Variants in OPRM1 observed in about 807,000 individuals in gnomAD.
The protein encoded by OPRM1 is mu-type opioid receptor.
A neutral mutation model predicts 31.8 loss-of-function variants in OPRM1; 27 were observed. That is an observed-to-expected ratio of 0.85 (90% CI 0.63 to 1.17). The LOEUF (loss-of-function observed/expected upper bound fraction) is 1.17, where lower values mean the gene tolerates loss of function less well. Among genes scored for constraint, OPRM1 ranks in the 50% most tolerant of loss-of-function variants. OPRM1 has a pLI of 0.00. For synonymous variants in OPRM1, 196 were observed against 189.9 expected (o/e 1.03, Z -0.26); for missense variants, 536 against 511.1 (o/e 1.05, Z -0.47).
chr6:154,076,299 C>T (rs2128460995), intron 1 of OPRM1, among the ~76,000 whole-genome samples: 1 of 152,190 alleles, frequency 6.6e-6, no homozygotes, highest in Admixed American at 6.5e-5. Flanking sequence ...GACAAAAACA[C>T]TATGAATAAA....
intron 3 of OPRM1, among the ~76,000 whole-genome samples, chr6:154,171,239 TA>T (rs1799845972): frequency 1.3e-5 from 2 of 152,122 alleles, no homozygotes; most frequent in African/African-American, 4.8e-5. Context: ...GATGAAAGGA[TA>T]AACAAAATGT....
At chr6:154,021,441 G>A (rs556388450) in intron 1 of OPRM1, among the ~76,000 whole-genome samples, 21 of 152,000 alleles carry the variant, frequency 1.4e-4, no homozygotes, top group Non-Finnish European at 2.6e-4. Flanking sequence ...TGCTATACTG[G>A]GTCTTTTTCC....
intron 1 of OPRM1, among the ~76,000 whole-genome samples, chr6:154,023,286 C>G (rs1778495456): frequency 6.6e-6 from 1 of 151,870 alleles, no homozygotes; most frequent in Non-Finnish European, 1.5e-5. Flanking sequence ...TAATTTAACT[C>G]CTAGGTATTT....
chr6:154,223,989 C>T (rs763983686), intron 3 of OPRM1, among the ~76,000 whole-genome samples: 3 of 152,176 alleles, frequency 2.0e-5, no homozygotes, highest in Non-Finnish European at 2.9e-5. Flanking sequence ...CACTGTCCCA[C>T]CTCTCTAAGA....
intron 3 of OPRM1, chr6:154,199,700 T>C: frequency 6.2e-7 from 1 of 1,613,476 alleles, no homozygotes; most frequent in Non-Finnish European, 8.5e-7. Flanking sequence ...AGCAGGCTTA[T>C]CTGGGACAGT....
rs200004619 is a variant in OPRM1, at chr6:154,039,358, A to G, written c.-187A>G. ...TGGGAGGGGGCTATACGCAGAGGAG[A>G]ATGTCAGATGCTCAGCTCGGTCCCC... On this transcript the variant is annotated 5_prime_UTR_variant, in exon 1 of 4. Transcript: ENST00000330432. 34 of 1,545,450 alleles carry G rather than the reference A, an allele frequency of 2.2e-5. No homozygotes were observed. In the South Asian group the frequency reaches 3.7e-4, roughly 17 times the overall value.
intron 3 of OPRM1, among the ~76,000 whole-genome samples, chr6:154,116,986 A>G (rs1362468554): frequency 6.6e-6 from 1 of 152,140 alleles, no homozygotes; most frequent in Non-Finnish European, 1.5e-5. Flanking sequence ...TCCCTAATGG[A>G]ACCCAGAATG....
chr6:154,054,239 T>G (rs1196952354), intron 1 of OPRM1, among the ~76,000 whole-genome samples: 3 of 151,854 alleles, frequency 2.0e-5, no homozygotes, highest in Non-Finnish European at 4.4e-5. Flanking sequence ...CATGGCGGCA[T>G]GCACCTGTAG....
At position 154,157,305 on chromosome 6, in the gene OPRM1, C is replaced by A. The variant is rs2236256; in HGVS notation, c.1164+65833C>A. 79,130 of 152,130 alleles carry A rather than the reference C, an allele frequency of 0.52. 20,822 individuals carry two copies. The highest frequency in any genetic ancestry group is 0.61 in the Middle Eastern group (180 of 296). The allele number at this position is 152,130 out of a possible 1,614,324, so 9.4% of individuals were successfully genotyped here. On this transcript the variant is annotated intron_variant, in intron 3 of 3. Transcript: ENST00000337049. ...GAAGCAGCCCTACTTTCTAGCACAA[C>A]CTGGTCAAAAGCAAAATAATTTACA...
intron 3 of OPRM1, among the ~76,000 whole-genome samples, chr6:154,191,073 C>T (rs754824075): frequency 4.0e-5 from 6 of 151,874 alleles, no homozygotes; most frequent in Non-Finnish European, 7.4e-5. Flanking sequence ...GAAAAAGTGA[C>T]CTATCAAGCT....
chr6:154,184,237 G>A (rs1801142922), intron 3 of OPRM1, among the ~76,000 whole-genome samples: 1 of 151,928 alleles, frequency 6.6e-6, no homozygotes, highest in Non-Finnish European at 1.5e-5. Context: ...AAATGTAATA[G>A]CACTGGCATA....
chr6:154,118,924 G>A lies in OPRM1; in HGVS notation c.*203G>A. On this transcript the variant is annotated 3_prime_UTR_variant, in exon 4 of 4. Transcript: ENST00000330432. ...GTAAGTGGAGCATTTGGAAGGAAAG[G>A]AATATACCACACCGAGGAGTCCAGT... is the stretch of plus-strand genomic sequence containing the variant. The A allele has an allele frequency of 7.3e-7, 1 of 1,377,048 alleles. No individual in the cohort carries two copies. Among genetic ancestry groups the A allele is most frequent in the Middle Eastern group, 2.7e-4 (1 of 3,694 alleles). 85.3% of individuals were successfully genotyped at this position (1,377,048 alleles called of 1,614,324 possible).
chr6:154,137,612 T>C (rs1345024053), intron 3 of OPRM1, among the ~76,000 whole-genome samples: 1 of 152,208 alleles, frequency 6.6e-6, no homozygotes, highest in East Asian at 1.9e-4. Context: ...ATATTTACAG[T>C]CTTATTCCAA....
intron 1 of OPRM1, among the ~76,000 whole-genome samples, chr6:154,077,080 A>G (rs1788025091): frequency 6.6e-6 from 1 of 152,122 alleles, no homozygotes; most frequent in African/African-American, 2.4e-5. Flanking sequence ...CTGTGCCCAT[A>G]TTTTCAGTCT....
rs1329553283 is a variant in OPRM1 at position 154,129,285 on chromosome 6, A to C, written c.*10564A>C. Among the ~76,000 whole-genome samples the C allele has an allele frequency of 1.3e-5, 2 of 152,268 alleles. No homozygotes were observed. The highest frequency in any genetic ancestry group is 2.9e-5 in the Non-Finnish European group (2 of 68,044). On this transcript the variant is annotated 3_prime_UTR_variant, in exon 4 of 4. Coordinates refer to ENST00000330432, the MANE Select transcript of OPRM1 (RefSeq NM_000914.5). ...GGAGTTCTTCTATACAATAGAGAAC[A>C]GAACAATGTTCTTCTATACAATGTA...
At chr6:154,072,216 T>A (rs1786929758) in intron 1 of OPRM1, among the ~76,000 whole-genome samples, 3 of 152,196 alleles carry the variant, frequency 2.0e-5, no homozygotes, top group Admixed American at 6.5e-5. Context: ...AGGAATGTCA[T>A]AATTAAACAA....
chr6:154,027,982 G>A (rs1011053904), intron 1 of OPRM1, among the ~76,000 whole-genome samples: 4 of 152,132 alleles, frequency 2.6e-5, no homozygotes, highest in African/African-American at 9.7e-5. Flanking sequence ...GGCCAAGCTG[G>A]TGTCTAAGGT....
intron 1 of OPRM1, among the ~76,000 whole-genome samples, chr6:154,056,777 G>A (rs142319333): frequency 8.0e-4 from 121 of 152,108 alleles, no homozygotes; most frequent in African/African-American, 2.7e-3. Flanking sequence ...ATTGAAAAAC[G>A]TTGCCAGCAG....
intron 3 of OPRM1, among the ~76,000 whole-genome samples, chr6:154,237,285 C>T (rs932085258): frequency 6.6e-6 from 1 of 152,242 alleles, no homozygotes; most frequent in South Asian, 2.1e-4. Flanking sequence ...GTTAACTGAA[C>T]TCTTCCTCCA....
Sources: gnomAD v4.1 joint callset for allele counts (sites outside exome capture counted in the v4.1 genomes callset) on GRCh38, gnomAD v4.1.1 for gene constraint, MANE v1.5 for transcripts, NCBI Gene and HGNC (gene_info 2026-07-23, HGNC 2026-07-21) for gene names.